DPP10: variants seen among roughly 807,000 people sequenced by gnomAD.
DPP10 encodes the protein inactive dipeptidyl peptidase 10.
DPP10 carries 33 observed loss-of-function variants against 120.9 expected under a neutral mutation model. The observed-to-expected ratio is 0.27, with a 90% CI of 0.21 to 0.37. The LOEUF is 0.37. Among genes scored for constraint, DPP10 ranks in the 10% least tolerant of loss-of-function variants. DPP10 has a pLI of 1.00. For synonymous variants in DPP10, 337 were observed against 326.1 expected, an observed-to-expected ratio of 1.03 and a Z score of -0.36; for missense variants, 816 against 942.8, an observed-to-expected ratio of 0.87 and a Z score of 1.76.
intron 1 of DPP10, among the ~76,000 whole-genome samples, chr2:115,146,565 T>C (rs1156861156): frequency 1.3e-5 from 2 of 151,668 alleles, no homozygotes; most frequent in Admixed American, 6.6e-5. Context: ...CACTCTACCT[T>C]AGAGATAAAT....
chr2:115,228,130 T>A (rs1167843315), intron 1 of DPP10, among the ~76,000 whole-genome samples: 1 of 151,894 alleles, frequency 6.6e-6, no homozygotes, highest in African/African-American at 2.4e-5. Context: ...GTTGTTGTTG[T>A]TGACATGGGG....
At chr2:115,127,494 T>C (rs1369648837) in intron 1 of DPP10, among the ~76,000 whole-genome samples, 3 of 152,172 alleles carry the variant, frequency 2.0e-5, no homozygotes, top group Non-Finnish European at 4.4e-5. Context: ...TCAGATGGCA[T>C]TTATCATTTT....
chr2:115,566,992 A>G (rs949829671), intron 5 of DPP10, among the ~76,000 whole-genome samples: 1 of 152,132 alleles, frequency 6.6e-6, no homozygotes, highest in Non-Finnish European at 1.5e-5. Context: ...CTTATAAGAG[A>G]CGTAAGTAGT....
At chr2:115,190,571 G>T (rs67300776) in intron 1 of DPP10, among the ~76,000 whole-genome samples, 41,275 of 152,002 alleles carry the variant, frequency 0.27, 5,878 homozygotes, top group East Asian at 0.39. Flanking sequence ...CTTTTCCCCC[G>T]GCGGTGAAAG....
intron 1 of DPP10, among the ~76,000 whole-genome samples, chr2:115,041,574 A>G (rs1373534986): frequency 2.0e-5 from 3 of 152,162 alleles, no homozygotes; most frequent in Non-Finnish European, 4.4e-5. Flanking sequence ...ATGCATTAAC[A>G]ATCTGTATTC....
chr2:115,233,980 A>G (rs1334166337), intron 1 of DPP10: 8 of 516,458 alleles, frequency 1.5e-5, no homozygotes, highest in Non-Finnish European at 2.3e-5. Context: ...CCTTCAAAAC[A>G]GTAGGAAGTT....
chr2:115,761,119 G>T (rs1195871786), intron 11 of DPP10, among the ~76,000 whole-genome samples: 2 of 137,560 alleles, frequency 1.5e-5, no homozygotes, highest in Non-Finnish European at 1.6e-5. Context: ...AAAAAAAAAG[G>T]CACAGGCCAG....
At chr2:115,716,831 C>G (rs886240549) in intron 7 of DPP10, among the ~76,000 whole-genome samples, 1 of 152,098 alleles carries the variant, frequency 6.6e-6, no homozygotes, top group African/African-American at 2.4e-5. Context: ...ATAACCAAGC[C>G]TAGTCCCACC....
At chr2:115,630,190 G>T (rs1174180115) in intron 5 of DPP10, among the ~76,000 whole-genome samples, 1 of 152,030 alleles carries the variant, frequency 6.6e-6, no homozygotes, top group East Asian at 1.9e-4. Flanking sequence ...GTTCATTTAT[G>T]ATTTTGCTCT....
chr2:115,730,792 G>A (rs1391576944), intron 8 of DPP10, among the ~76,000 whole-genome samples: 1 of 152,174 alleles, frequency 6.6e-6, no homozygotes, highest in Non-Finnish European at 1.5e-5. Flanking sequence ...GATGCTGTAG[G>A]TCTGACGCAT....
intron 1 of DPP10, among the ~76,000 whole-genome samples, chr2:114,586,050 C>T (rs543442098): frequency 1.8e-4 from 27 of 152,198 alleles, no homozygotes; most frequent in African/African-American, 4.8e-4. Flanking sequence ...GAGTTCGAGA[C>T]GAGCCTGGGC....
chr2:115,489,552 G>C lies in DPP10; in HGVS notation c.272-9958G>C, dbSNP rs578093842. Among the ~76,000 whole-genome samples the C allele has an allele frequency of 2.0e-5, 3 of 150,286 alleles. No homozygotes were observed. The South Asian group carries it at 6.3e-4, about 32-fold the overall frequency. ...TGTGGCTAATTAAAAACAAATAAAA[G>C]GCCATGCAAGGCAAAGGTTAAGTCC... On this transcript the variant is annotated intron_variant, in intron 3 of 25. Coordinates refer to ENST00000410059, the MANE Select transcript of DPP10 (RefSeq NM_020868.6).
chr2:115,767,031 A>T (rs1330320536), intron 12 of DPP10, among the ~76,000 whole-genome samples: 1 of 152,200 alleles, frequency 6.6e-6, no homozygotes, highest in Non-Finnish European at 1.5e-5. Flanking sequence ...AAAACTAGAA[A>T]GAAAATAAAA....
At chr2:114,815,882 G>GTT (rs3036391) in intron 1 of DPP10, among the ~76,000 whole-genome samples, 1 of 144,086 alleles carries the variant, frequency 6.9e-6, no homozygotes, top group Non-Finnish European at 1.5e-5. Flanking sequence ...AATTTTCTTA[G>GTT]TTTTTTTTTT....
intron 7 of DPP10, among the ~76,000 whole-genome samples, chr2:115,723,994 C>T (rs78138721): frequency 0.019 from 2,819 of 152,204 alleles, 78 homozygotes; most frequent in African/African-American, 0.063. Flanking sequence ...GGCAGAATAG[C>T]GTTTCAGTAA....
At chr2:115,498,579 T>C (rs865920604) in intron 3 of DPP10, among the ~76,000 whole-genome samples, 10 of 151,652 alleles carry the variant, frequency 6.6e-5, no homozygotes, top group Admixed American at 5.3e-4. Context: ...TAGGGATGTG[T>C]AAGCAAGAAA....
chr2:115,068,218 A>G (rs1389988837), intron 1 of DPP10, among the ~76,000 whole-genome samples: 2 of 151,778 alleles, frequency 1.3e-5, no homozygotes, highest in Non-Finnish European at 2.9e-5. Context: ...TCACACCCTC[A>G]CCAACACTGA....
intron 1 of DPP10, among the ~76,000 whole-genome samples, chr2:114,937,292 G>T (rs1482338209): frequency 6.6e-6 from 1 of 152,020 alleles, no homozygotes; most frequent in Non-Finnish European, 1.5e-5. Flanking sequence ...ATCCAGTTTC[G>T]TTCTCCTACA....
chr2:115,327,425 A>T (rs1027749486), intron 2 of DPP10, among the ~76,000 whole-genome samples: 9 of 152,058 alleles, frequency 5.9e-5, no homozygotes, highest in Non-Finnish European at 1.3e-4. Flanking sequence ...TTGAGAAATG[A>T]TCAAACTTAA....
Sources: allele counts gnomAD v4.1 joint callset (sites outside exome capture counted in the v4.1 genomes callset), GRCh38; gene constraint gnomAD v4.1.1; transcripts MANE v1.5; gene names NCBI Gene and HGNC (gene_info 2026-07-23, HGNC 2026-07-21).